The following ILDR2 variants were observed in gnomAD, a reference collection of about 807,000 sequenced individuals.
ILDR2 encodes the protein immunoglobulin like domain containing receptor 2.
In ILDR2, 25 loss-of-function variants were observed where a neutral mutation model predicts 66.8. That is an observed-to-expected ratio of 0.37 (90% CI 0.27 to 0.52). ILDR2 has a LOEUF of 0.52. Among genes scored for constraint, ILDR2 ranks in the 20% least tolerant of loss-of-function variants. ILDR2 has a pLI of 0.88. For synonymous variants in ILDR2, 367 were observed against 357.2 expected (o/e 1.03, Z -0.31); for missense variants, 827 against 876.8 (o/e 0.94, Z 0.72).
chr1:166,975,133 G>GA, intron 1 of ILDR2, 90 bp downstream of exon 1: 1 of 1,125,410 alleles, frequency 8.9e-7, no homozygotes. Context: ...GGTCAGTAAG[G>GA]AGGAAAATGG....
chr1:166,922,466 T>C (rs1244081357), intron 8 of ILDR2, 127 bp downstream of exon 8: 6 of 721,112 alleles, frequency 8.3e-6, no homozygotes, highest in Non-Finnish European at 1.5e-5. Flanking sequence ...GAAAGAGAGA[T>C]GTGTCAGGAT....
At chr1:166,931,081 T>C (rs2101888902) in intron 6 of ILDR2, among the ~76,000 whole-genome samples, 1 of 152,324 alleles carries the variant, frequency 6.6e-6, no homozygotes, top group East Asian at 1.9e-4. Context: ...CTCCTCTAAT[T>C]TATTAGCCTT....
intron 1 of ILDR2, among the ~76,000 whole-genome samples, chr1:166,961,747 T>A (rs1662631805): frequency 6.6e-6 from 1 of 152,242 alleles, no homozygotes; most frequent in Non-Finnish European, 1.5e-5. Context: ...TGATGACTTC[T>A]GTGAAGCTAC....
chr1:166,920,744 G>T lies in ILDR2; in HGVS notation c.1847C>A (p.Ser616Ter), dbSNP rs867031675. 2 of 1,459,124 alleles carry T rather than the reference G, an allele frequency of 1.4e-6. No individual in the cohort carries two copies. Among genetic ancestry groups the T allele is most frequent in the African/African-American group, 1.5e-5 (1 of 67,488 alleles). The allele number at this position is 1,459,124 out of a possible 1,614,324, so 90.4% of individuals were successfully genotyped here. A position where few individuals can be genotyped will look rare whatever the true frequency, so the allele number is the denominator to read the frequency against. The change falls in exon 9 of 10, where the codon TCG (serine) becomes TAG (stop). Residue 616 changes from serine (S) to a stop codon, truncating the protein, a stop_gained. Coordinates refer to ENST00000271417, the MANE Select transcript of ILDR2 (RefSeq NM_199351.3). LOFTEE classifies it high-confidence loss of function. ...GGGCTCCTTTTTCCTCTTCTTCTCC[G>T]AGTTGCTGTGGTAGGGCAGGTCGCG... ...RGRDLPYHSN[S>*]EKKRKKEPAK...
chr1:166,901,001 A>C (rs2101812457), intron 2 of ILDR2, among the ~76,000 whole-genome samples: 1 of 152,350 alleles, frequency 6.6e-6, no homozygotes, highest in East Asian at 1.9e-4. Context: ...GAAGGAATAC[A>C]AGATGACAGG....
intron 1 of ILDR2, among the ~76,000 whole-genome samples, chr1:166,960,625 TTTCCCCTC>T (rs1240701381): frequency 1.3e-5 from 2 of 152,122 alleles, no homozygotes; most frequent in Admixed American, 1.3e-4. Context: ...CTTGCCAAAC[TTTCCCCTC>T]ACCTCCCATC....
intron 2 of ILDR2, among the ~76,000 whole-genome samples, chr1:166,899,649 A>C (rs1342301761): frequency 6.6e-6 from 1 of 152,232 alleles, no homozygotes; most frequent in Non-Finnish European, 1.5e-5. Flanking sequence ...AGAAAATCAA[A>C]TATTTCTTCA....
chr1:166,933,050 A>G (rs1478689259), intron 6 of ILDR2, among the ~76,000 whole-genome samples: 1 of 152,228 alleles, frequency 6.6e-6, no homozygotes, highest in Non-Finnish European at 1.5e-5. Context: ...TGGCTCCACC[A>G]GCCAGACCAT....
At chr1:166,927,398 C>G (rs904255558) in intron 6 of ILDR2, among the ~76,000 whole-genome samples, 1 of 152,216 alleles carries the variant, frequency 6.6e-6, no homozygotes, top group Non-Finnish European at 1.5e-5. Flanking sequence ...AGGTCAACAA[C>G]AAAATTCCAT....
chr1:166,956,670 G>A, intron 3 of ILDR2, 63 bp downstream of exon 3: 2 of 1,579,478 alleles, frequency 1.3e-6, no homozygotes, highest in Non-Finnish European at 1.7e-6. Flanking sequence ...TGAGAAGAGG[G>A]ATAGGATACA....
At chr1:166,923,804 GA>G (rs1437831157) in intron 7 of ILDR2, among the ~76,000 whole-genome samples, 5 of 152,168 alleles carry the variant, frequency 3.3e-5, no homozygotes, top group African/African-American at 1.2e-4. Context: ...GAAATGTATT[GA>G]ATTTCATTGT....
chr1:166,962,729 A>G (rs1662693027), intron 1 of ILDR2, among the ~76,000 whole-genome samples: 2 of 151,990 alleles, frequency 1.3e-5, no homozygotes, highest in African/African-American at 4.8e-5. Context: ...TCGTTTTTCA[A>G]TTTTCCTACT....
At chr1:166,967,749 C>CT (rs1277147790) in intron 1 of ILDR2, among the ~76,000 whole-genome samples, 2 of 152,156 alleles carry the variant, frequency 1.3e-5, no homozygotes, top group Non-Finnish European at 2.9e-5. Context: ...GAGTGGGACT[C>CT]TGTCTCAAAA....
chr1:166,961,521 A>G (rs1662614723), intron 1 of ILDR2, among the ~76,000 whole-genome samples: 1 of 152,244 alleles, frequency 6.6e-6, no homozygotes, highest in Admixed American at 6.5e-5. Context: ...GTCAGTCCTA[A>G]GTAAGAATCC....
intron 1 of ILDR2, among the ~76,000 whole-genome samples, chr1:166,958,943 C>T (rs538201791): frequency 6.6e-6 from 1 of 152,300 alleles, no homozygotes; most frequent in South Asian, 2.1e-4. Flanking sequence ...ACCCAAAGTC[C>T]TTGGCAAGGT....
intron 3 of ILDR2, among the ~76,000 whole-genome samples, chr1:166,951,418 A>C (rs1259526173): frequency 1.3e-5 from 2 of 152,208 alleles, no homozygotes; most frequent in Non-Finnish European, 2.9e-5. Context: ...GCTTGAAGCT[A>C]GGAATACCCC....
At position 166,957,866 on chromosome 1, in the gene ILDR2, C is replaced by T; in HGVS notation, c.282G>A (p.Leu94=). ...CTACTCGAACAGTCCTCCTGCTGTC[C>T]AAACAATCCAAGTAGGGGTCCCATT... ...NLEWDPYLDC[L]DSRRTVRVVA... The change falls in exon 2 of 10, where the codon TTG becomes TTA. Residue 94 remains leucine (L), a synonymous_variant. Transcript: ENST00000271417. 1 of 1,614,172 alleles carries T rather than the reference C, an allele frequency of 6.2e-7. No homozygotes were observed. Among genetic ancestry groups the T allele is most frequent in the Non-Finnish European group, 8.5e-7 (1 of 1,180,036 alleles).
chr1:166,934,612 C>A (rs1335797024), intron 6 of ILDR2, among the ~76,000 whole-genome samples: 1 of 152,174 alleles, frequency 6.6e-6, no homozygotes, highest in Non-Finnish European at 1.5e-5. Context: ...GTTTCAAGGC[C>A]CTCCCCAGTC....
downstream of ILDR2, among the ~76,000 whole-genome samples, chr1:166,903,624 C>T (rs1659296890): frequency 6.6e-6 from 1 of 152,138 alleles, no homozygotes. Flanking sequence ...GGGGAGGGTG[C>T]CTAGCACTCT....
Sources: allele counts gnomAD v4.1 joint callset (sites outside exome capture counted in the v4.1 genomes callset), GRCh38; gene constraint gnomAD v4.1.1; transcripts MANE v1.5; gene names NCBI Gene and HGNC (gene_info 2026-07-23, HGNC 2026-07-21).